TMEM63A: variants seen among roughly 807,000 people sequenced by gnomAD.
TMEM63A encodes the protein transmembrane protein 63A, also known as mechanosensitive cation channel TMEM63A.
Under a neutral mutation model 100.6 loss-of-function variants are expected in TMEM63A, and 76 were observed. That is an observed-to-expected ratio of 0.76 (90% CI 0.63 to 0.91). TMEM63A has a LOEUF of 0.91. Ranked by LOEUF, TMEM63A falls within the 40% of genes least tolerant of loss-of-function variation. The pLI, the probability that TMEM63A is intolerant of heterozygous loss-of-function variation, is 0.00. For synonymous variants in TMEM63A, 401 were observed against 401.1 expected (o/e 1.00, Z 0.00); for missense variants, 876 against 1,008.8 (o/e 0.87, Z 1.78).
chr1:225,853,815 T>C lies in TMEM63A; in HGVS notation c.1635-24A>G. 6.4e-7 allele frequency: 1 copy of C among 1,568,562 alleles called. No individual in the cohort carries two copies. Among genetic ancestry groups the C allele is most frequent in the Non-Finnish European group, 8.6e-7 (1 of 1,157,712 alleles). ...ACCTGGGGAAACCAGGGCCCAGGTC[T>C]GTGAGCTGAGAGCCGCTCTTGGAGG... is the stretch of plus-strand genomic sequence containing the variant. On this transcript the variant is annotated intron_variant, in intron 18 of 24. Coordinates refer to ENST00000366835, the MANE Select transcript of TMEM63A (RefSeq NM_014698.3). This position sits in a 1 kb window ranked among gnomAD's most constrained non-coding sequence, Gnocchi z 4.0.
At position 225,847,851 on chromosome 1, in the gene TMEM63A, C is replaced by T. The variant is rs1669096893; in HGVS notation, c.2251-638G>A. Reference sequence around the variant, plus strand: ...GAGCCTGACACCTGGGAGGCAGCCACCAGAAAGAACCCTGCAGATGAGGTC... The same window carrying T: ...GAGCCTGACACCTGGGAGGCAGCCATCAGAAAGAACCCTGCAGATGAGGTC... On this transcript the variant is annotated intron_variant, in intron 23 of 24. Transcript: ENST00000366835. Among the ~76,000 whole-genome samples the T allele has an allele frequency of 2.6e-5, 4 of 152,158 alleles. No homozygotes were observed. In the South Asian group the frequency reaches 8.3e-4, roughly 31 times the overall value.
chr1:225,862,539 CAG>C lies in TMEM63A; in HGVS notation c.865_866del (p.Leu289AlafsTer22), dbSNP rs747486371. 6.2e-7 allele frequency: 1 copy of C among 1,614,096 alleles called. No individual in the cohort carries two copies. Among genetic ancestry groups the C allele is most frequent in the East Asian group, 2.2e-5 (1 of 44,874 alleles). On this transcript the variant is annotated frameshift_variant, in exon 12 of 25. Transcript: ENST00000366835. LOFTEE classifies it high-confidence loss of function. The surrounding 1 kb of genome is among the most constrained non-coding windows in gnomAD (Gnocchi z 5.1). ...GGGTCCGCTGGCCTGTCTTCACCTG[CAG>C]GTTTGTGTAATAGGTCAGGCTCTTC... ...TEKSLTYYTN[L>X]QVKTGQRTLI...
At chr1:225,842,090 C>T (rs896785415), downstream of TMEM63A, among the ~76,000 whole-genome samples, 2 of 152,244 alleles carry the variant, frequency 1.3e-5, no homozygotes, top group African/African-American at 2.4e-5. Flanking sequence ...AATGCAGAGG[C>T]GTAGGCCCTT....
intron 3 of TMEM63A, among the ~76,000 whole-genome samples, chr1:225,876,342 C>T (rs1209953971): frequency 6.6e-6 from 1 of 151,988 alleles, no homozygotes; most frequent in African/African-American, 2.4e-5. Context: ...CCCCATGTTC[C>T]CCACCCGAGC....
chr1:225,882,000 G>T (rs1272296721), intron 1 of TMEM63A, among the ~76,000 whole-genome samples: 1 of 152,200 alleles, frequency 6.6e-6, no homozygotes, highest in East Asian at 1.9e-4. Context: ...TGGGAGGTCG[G>T]ACTCCGCCGA....
At position 225,862,607 on chromosome 1, in the gene TMEM63A, C is replaced by T. The variant is rs2102621602; in HGVS notation, c.828-29G>A. 6.2e-7 allele frequency: 1 copy of T among 1,608,162 alleles called. No individual in the cohort carries two copies. The highest frequency in any genetic ancestry group is 8.5e-7 in the Non-Finnish European group (1 of 1,176,552). On this transcript the variant is annotated intron_variant, in intron 11 of 24. Transcript: ENST00000366835. This position sits in a 1 kb window ranked among gnomAD's most constrained non-coding sequence, Gnocchi z 5.1. The stretch of plus-strand genomic sequence containing the variant: ...TAGGGGTGGGAGCGGGGGCACAAAC[C>T]TCAGATTTAGAATCCTGTGGCAGGG...
Position 225,847,158 on chromosome 1 carries a change from G to T in TMEM63A, c.2306C>A (p.Pro769Gln). 1 of 1,612,926 alleles carries T rather than the reference G, an allele frequency of 6.2e-7. No homozygotes were observed. The change falls in exon 24 of 25, where the codon CCG becomes CAG. Residue 769 changes from proline (P) to glutamine (Q), a missense_variant. This residue lies in a region of TMEM63A where 339 missense variants were observed against 342.3 expected (regional missense o/e 0.99). Transcript: ENST00000366835. Reference sequence around the variant, plus strand: ...ATAGGTCTGCTGCTGCTGCTGCTGCGGAGACAGTGCTGTCCTCTCCGAGGC... The same window carrying T: ...ATAGGTCTGCTGCTGCTGCTGCTGCTGAGACAGTGCTGTCCTCTCCGAGGC... Reference protein sequence around the residue: ...GLASERTALSPQQQQQQTYGA... With the variant: ...GLASERTALSQQQQQQQTYGA...
chr1:225,866,756 T>C lies in TMEM63A; in HGVS notation c.567-74A>G. The C allele has an allele frequency of 6.6e-6, 9 of 1,368,098 alleles. No individual in the cohort carries two copies. The South Asian group carries it at 9.7e-5, about 15-fold the overall frequency. The allele number at this position is 1,368,098 out of a possible 1,614,324, so 84.7% of individuals were successfully genotyped here. On this transcript the variant is annotated intron_variant, in intron 8 of 24. Transcript: ENST00000366835. ...CTGGGGGTGCAGAGCTGGGGCCTGG[T>C]TACCCTCAGTGGGCACTGAACTGAG...
chr1:225,848,281 C>CA (rs1168129245), intron 23 of TMEM63A: 1 of 582,458 alleles, frequency 1.7e-6, no homozygotes, highest in African/African-American at 1.9e-5. Flanking sequence ...TGAATCGAGA[C>CA]AAGACTCTAT....
chr1:225,863,716 C>A (rs919219008), intron 10 of TMEM63A, among the ~76,000 whole-genome samples: 3 of 151,752 alleles, frequency 2.0e-5, no homozygotes, highest in Admixed American at 2.0e-4. Context: ...CAGGAGTTTG[C>A]GACCAGCCTG....
rs762262713 is a variant in TMEM63A at position 225,862,473 on chromosome 1, T to C, written c.933A>G (p.Glu311=). Reference sequence around the variant, plus strand: ...CCCTTACCCACTCACAGCCCAGCACTTCACAGCAGCAAAACTGGCCACAGG... The same window carrying C: ...CCCTTACCCACTCACAGCCCAGCACCTCACAGCAGCAAAACTGGCCACAGG... ...PKPCGQFCCC[E]VLGCEWEDAI... is the part of the protein sequence containing the mutation. Residue 311 remains glutamate (E), a synonymous_variant, in exon 12 of 25, where the codon GAA becomes GAG. Transcript: ENST00000366835. This position sits in a 1 kb window ranked among gnomAD's most constrained non-coding sequence, Gnocchi z 5.1. 5 of 1,614,044 alleles carry C rather than the reference T, an allele frequency of 3.1e-6. No homozygotes were observed. The highest frequency in any genetic ancestry group is 4.2e-6 in the Non-Finnish European group (5 of 1,180,032).
At chr1:225,859,129 T>G (rs1669805236) in intron 15 of TMEM63A, 67 bp downstream of exon 15, 2 of 1,607,202 alleles carry the variant, frequency 1.2e-6, no homozygotes, top group East Asian at 4.5e-5. Context: ...TCCCCACTCC[T>G]TCCCCACCCA....
rs1478764364 is a variant in TMEM63A at position 225,853,851 on chromosome 1, G to GC, written c.1635-61dup. 6.7e-7 allele frequency: 1 copy of GC among 1,484,018 alleles called. No homozygotes were observed. The highest frequency in any genetic ancestry group is 9.0e-7 in the Non-Finnish European group (1 of 1,115,896). The allele number at this position is 1,484,018 out of a possible 1,614,324, so 91.9% of individuals were successfully genotyped here. ...AGCCGCTCTTGGAGGGAGAGGAGGG[G>GC]CCCCTAGGCTGGGCAGGAGCAGAAA... On this transcript the variant is annotated intron_variant, in intron 18 of 24. Coordinates refer to ENST00000366835, the MANE Select transcript of TMEM63A (RefSeq NM_014698.3). The surrounding 1 kb of genome is among the most constrained non-coding windows in gnomAD (Gnocchi z 4.0).
chr1:225,877,625 C>G, intron 2 of TMEM63A, 31 bp from the exon 3 acceptor site: 1 of 1,567,374 alleles, frequency 6.4e-7, no homozygotes. Flanking sequence ...ACAAGGCAGA[C>G]GTTCAGGGCT....
intron 20 of TMEM63A, among the ~76,000 whole-genome samples, chr1:225,850,318 G>A (rs916903755): frequency 2.0e-5 from 3 of 152,036 alleles, no homozygotes; most frequent in African/African-American, 7.2e-5. Flanking sequence ...TCAGGGTGGT[G>A]GGAGAAAATT....
At chr1:225,869,899 G>A (rs1424523601) in intron 6 of TMEM63A, among the ~76,000 whole-genome samples, 1 of 151,524 alleles carries the variant, frequency 6.6e-6, no homozygotes, top group Admixed American at 6.6e-5. Flanking sequence ...CTGACCTCGT[G>A]ATCTGCCTGC....
chr1:225,847,338 G>A lies in TMEM63A; in HGVS notation c.2251-125C>T, dbSNP rs922662149. ...CATAAAGGACATATGAAGAAACACC[G>A]ACATCCATTTAGGACATTAAGACCG... On this transcript the variant is annotated intron_variant, in intron 23 of 24. Coordinates refer to ENST00000366835, the MANE Select transcript of TMEM63A (RefSeq NM_014698.3). 21 of 1,238,786 alleles carry A rather than the reference G, an allele frequency of 1.7e-5. No homozygotes were observed. The East Asian group carries it at 2.3e-4, about 13-fold the overall frequency. The allele number at this position is 1,238,786 out of a possible 1,614,324, so 76.7% of individuals were successfully genotyped here.
intron 1 of TMEM63A, among the ~76,000 whole-genome samples, chr1:225,880,439 CA>C (rs1418015065): frequency 6.6e-6 from 1 of 152,104 alleles, no homozygotes; most frequent in Non-Finnish European, 1.5e-5. Context: ...GAGGAGAAGG[CA>C]GGGGGAGGGG....
At chr1:225,874,884 G>A (rs984194260) in intron 3 of TMEM63A, among the ~76,000 whole-genome samples, 3 of 152,086 alleles carry the variant, frequency 2.0e-5, no homozygotes, top group Admixed American at 6.5e-5. Context: ...ACAGGTGCCC[G>A]CCACCACACC....
Sources: gnomAD v4.1 joint callset for allele counts (sites outside exome capture counted in the v4.1 genomes callset) on GRCh38, gnomAD v4.1.1 for gene constraint, gnomAD v4.1.1 regional missense constraint, Gnocchi (gnomAD v3.1) non-coding constraint, MANE v1.5 for transcripts, NCBI Gene and HGNC (gene_info 2026-07-23, HGNC 2026-07-21) for gene names.